The following SLC7A10 variants were observed in gnomAD, a reference collection of about 807,000 sequenced individuals.
The protein encoded by SLC7A10 is solute carrier family 7 member 10.
Under a neutral mutation model 52.7 loss-of-function variants are expected in SLC7A10, and 30 were observed. The observed-to-expected ratio is 0.57, with a 90% CI of 0.43 to 0.77. SLC7A10 has a LOEUF of 0.77. SLC7A10 is among the 30% of genes least tolerant of loss of function. The pLI, the probability that SLC7A10 is intolerant of heterozygous loss-of-function variation, is 0.00. For missense variants in SLC7A10, 581 were observed against 698.5 expected, an observed-to-expected ratio of 0.83 and a Z score of 1.90; for synonymous variants, 318 against 314.9, an observed-to-expected ratio of 1.01 and a Z score of -0.10.
Position 33,208,789 on chromosome 19 carries a change from CTTT to C in SLC7A10, c.*99_*101del. The C allele has an allele frequency of 6.7e-7, 1 of 1,487,514 alleles. No individual in the cohort carries two copies. The allele number at this position is 1,487,514 out of a possible 1,614,324, so 92.1% of individuals were successfully genotyped here. On this transcript the variant is annotated 3_prime_UTR_variant, in exon 11 of 11. Coordinates refer to ENST00000253188, the MANE Select transcript of SLC7A10 (RefSeq NM_019849.3). This position sits in a 1 kb window ranked among gnomAD's most constrained non-coding sequence, Gnocchi z 4.7. ...GGCTTCTGAGAGTCGTATCTTTTTTCTTTTTTTTCCAGAAAAAAACAAAACAAA... is the reference window on the plus strand; with the variant it reads ...GGCTTCTGAGAGTCGTATCTTTTTTCTTTTTCCAGAAAAAAACAAAACAAA...
intron 2 of SLC7A10, 26 bp downstream of exon 2, chr19:33,215,743 C>T (rs1219465996): frequency 1.3e-6 from 2 of 1,547,296 alleles, no homozygotes; most frequent in Non-Finnish European, 1.7e-6. Flanking sequence ...AGGGTGTCCC[C>T]CTGCCCGCTG....
At chr19:33,223,614 C>A (rs1974860443) in intron 1 of SLC7A10, among the ~76,000 whole-genome samples, 1 of 152,002 alleles carries the variant, frequency 6.6e-6, no homozygotes, top group Non-Finnish European at 1.5e-5. Context: ...TTTTTCCTGC[C>A]TCGTCCAGCC....
In SLC7A10 at chr19:33,225,603, A is replaced by G; in HGVS notation, c.101T>C (p.Val34Ala). Residue 34 changes from valine to alanine, a missense_variant, in exon 1 of 11, where the codon GTG becomes GCG. Coordinates refer to ENST00000253188, the MANE Select transcript of SLC7A10 (RefSeq NM_019849.3). ...PGTVPGASER[V>A]ALKKEIGLLS... ...CAGCCCGATCTCCTTCTTGAGCGCC[A>G]CCCGCTCCGAGGCGCCGGGGACGGT... The G allele has an allele frequency of 1.9e-6, 3 of 1,594,922 alleles. No homozygotes were observed. Among genetic ancestry groups the G allele is most frequent in the Non-Finnish European group, 2.5e-6 (3 of 1,178,874 alleles).
chr19:33,215,619 TCTCTC>T, intron 2 of SLC7A10, 145 bp downstream of exon 2: 4 of 204,302 alleles, frequency 2.0e-5, no homozygotes, highest in Non-Finnish European at 2.3e-5. Context: ...CCCCACACCT[TCTCTC>T]CATCCACCCC....
chr19:33,211,653 G>A, intron 5 of SLC7A10, 116 bp from the exon 6 acceptor site: 1 of 1,576,072 alleles, frequency 6.3e-7, no homozygotes, highest in Non-Finnish European at 8.6e-7. Flanking sequence ...GGGATGTTGG[G>A]GCAGGAAAGG....
At chr19:33,225,407 C>T (rs1599965214) in intron 1 of SLC7A10, 146 bp downstream of exon 1, 1 of 1,012,332 alleles carries the variant, frequency 9.9e-7, no homozygotes, top group Non-Finnish European at 1.5e-6. Flanking sequence ...CTGACCTCCC[C>T]GCGGTCATAG....
chr19:33,221,151 G>T (rs1974804499), intron 1 of SLC7A10: 1 of 148,632 alleles, frequency 6.7e-6, no homozygotes, highest in Non-Finnish European at 1.5e-5. Context: ...AACATAGCTT[G>T]CAATGCCTTG....
At chr19:33,217,138 A>G (rs1328439878) in intron 1 of SLC7A10, among the ~76,000 whole-genome samples, 1 of 151,716 alleles carries the variant, frequency 6.6e-6, no homozygotes, top group African/African-American at 2.4e-5. Context: ...TGGATTCCCA[A>G]AGTGCTAGGA....
intron 5 of SLC7A10, 68 bp downstream of exon 5, chr19:33,212,224 C>A: frequency 3.2e-6 from 5 of 1,550,942 alleles, no homozygotes; most frequent in Non-Finnish European, 4.4e-6. Flanking sequence ...TGGGGCTGGG[C>A]GGAGAGGCTG....
intron 1 of SLC7A10, among the ~76,000 whole-genome samples, chr19:33,219,480 G>T (rs774960019): frequency 6.6e-6 from 1 of 152,206 alleles, no homozygotes; most frequent in African/African-American, 2.4e-5. Context: ...TGGGGAGGGG[G>T]CAGGGAGGGC....
rs543479380 is a variant in SLC7A10, at chr19:33,218,741, C to A, written c.152-2768G>T. ...CCATGTTGGCCAGGCTGGTCTCGAA[C>A]TCCTGACCTCAAGTGATCCACCCAC... On this transcript the variant is annotated intron_variant, in intron 1 of 10. Transcript: ENST00000253188. Among the ~76,000 whole-genome samples, 6 of 142,340 alleles carry A rather than the reference C, an allele frequency of 4.2e-5. No homozygotes were observed. In the East Asian group the frequency reaches 1.2e-3, roughly 29 times the overall value. The allele number at this position is 142,340 out of a possible 152,430, so 93.4% of individuals were successfully genotyped here.
intron 10 of SLC7A10, 27 bp downstream of exon 10, chr19:33,209,281 T>G (rs1322975732): frequency 6.2e-7 from 1 of 1,613,358 alleles, no homozygotes; most frequent in African/African-American, 1.3e-5. Flanking sequence ...CCCCCTGTGC[T>G]GGGTGACCTG....
At chr19:33,224,348 C>T (rs1974877724) in intron 1 of SLC7A10, among the ~76,000 whole-genome samples, 1 of 152,134 alleles carries the variant, frequency 6.6e-6, no homozygotes, top group Non-Finnish European at 1.5e-5. Context: ...CTCCCAGGGC[C>T]AGGTCAGGAC....
At chr19:33,223,286 G>A (rs986446283) in intron 1 of SLC7A10, among the ~76,000 whole-genome samples, 2 of 141,640 alleles carry the variant, frequency 1.4e-5, no homozygotes, top group Non-Finnish European at 3.0e-5. Context: ...CCAGCCTAGG[G>A]GACACAGCCA....
At position 33,211,218 on chromosome 19, in the gene SLC7A10, C is replaced by T; in HGVS notation, c.1016+7G>A. On this transcript the variant is annotated splice_region_variant and intron_variant, in intron 7 of 10. Coordinates refer to ENST00000253188, the MANE Select transcript of SLC7A10 (RefSeq NM_019849.3). ...TCCCCATGCCCACGTCTCCCCAGTG[C>T]AGTCACCTGGAGTAGGTGAACAGGT... 6.2e-7 allele frequency: 1 copy of T among 1,609,678 alleles called. No homozygotes were observed. Among genetic ancestry groups the T allele is most frequent in the Non-Finnish European group, 8.5e-7 (1 of 1,176,112 alleles).
intron 1 of SLC7A10, among the ~76,000 whole-genome samples, chr19:33,218,229 G>A (rs1373443836): frequency 6.6e-6 from 1 of 152,120 alleles, no homozygotes; most frequent in African/African-American, 2.4e-5. Flanking sequence ...AGCCACATCT[G>A]GCACCCTATC....
rs1780295080 is a variant in SLC7A10 at position 33,208,815 on chromosome 19, A to G, written c.*76T>C. On this transcript the variant is annotated 3_prime_UTR_variant, in exon 11 of 11. Transcript: ENST00000253188. This position sits in a 1 kb window ranked among gnomAD's most constrained non-coding sequence, Gnocchi z 4.7. Reference sequence around the variant, plus strand: ...TTTTTTTTCCAGAAAAAAACAAAACAAAACTTTTTTGCCAAAACACCTCCT... The same window carrying G: ...TTTTTTTTCCAGAAAAAAACAAAACGAAACTTTTTTGCCAAAACACCTCCT... 1 of 1,602,316 alleles carries G rather than the reference A, an allele frequency of 6.2e-7. No individual in the cohort carries two copies. The highest frequency in any genetic ancestry group is 1.3e-5 in the African/African-American group (1 of 74,622).
chr19:33,221,452 T>C (rs368603537), intron 1 of SLC7A10, among the ~76,000 whole-genome samples: 6 of 152,190 alleles, frequency 3.9e-5, no homozygotes, highest in African/African-American at 7.2e-5. Context: ...GAAATTATAG[T>C]TGGGGCTTCC....
In SLC7A10 at chr19:33,210,801, C is replaced by T. The variant is rs1318426134; in HGVS notation, c.1113+1G>A. 1.9e-6 allele frequency: 3 copies of T among 1,613,290 alleles called. No individual in the cohort carries two copies. The highest frequency in any genetic ancestry group is 2.5e-6 in the Non-Finnish European group (3 of 1,179,976). The stretch of plus-strand genomic sequence containing the variant: ...TGCCTGGCCCAGGTCCCCCAACTTA[C>T]ACAGACGAGGAGGGCGGGGATGGGG... On this transcript the variant is annotated splice_donor_variant, in intron 8 of 10. Transcript: ENST00000253188. LOFTEE classifies it high-confidence loss of function. This position sits in a 1 kb window ranked among gnomAD's most constrained non-coding sequence, Gnocchi z 5.6.
Sources: allele counts gnomAD v4.1 joint callset (sites outside exome capture counted in the v4.1 genomes callset), GRCh38; gene constraint gnomAD v4.1.1; non-coding constraint Gnocchi (gnomAD v3.1); transcripts MANE v1.5; gene names NCBI Gene and HGNC (gene_info 2026-07-23, HGNC 2026-07-21).